WWC1: variants seen among roughly 807,000 people sequenced by gnomAD.
The protein encoded by WWC1 is protein KIBRA.
Under a neutral mutation model 138.4 loss-of-function variants are expected in WWC1, and 55 were observed. The observed-to-expected ratio is 0.40, with a 90% CI of 0.32 to 0.50. The LOEUF (loss-of-function observed/expected upper bound fraction) is 0.50, where lower values mean the gene tolerates loss of function less well. Ranked by LOEUF, WWC1 falls within the 20% of genes least tolerant of loss-of-function variation. WWC1 has a pLI of 0.72. For missense variants in WWC1, 1,226 were observed against 1,420.4 expected (o/e 0.86, Z 2.20); for synonymous variants, 524 against 564.9 (o/e 0.93, Z 1.03).
intron 1 of WWC1, among the ~76,000 whole-genome samples, chr5:168,342,575 T>C (rs1192770804): frequency 1.3e-5 from 2 of 152,076 alleles, no homozygotes; most frequent in African/African-American, 4.8e-5. Flanking sequence ...CTTTGTAGGA[T>C]CTAGAAAGGC....
chr5:168,401,573 C>T (rs886490246), intron 5 of WWC1, among the ~76,000 whole-genome samples: 1 of 152,208 alleles, frequency 6.6e-6, no homozygotes, highest in South Asian at 2.1e-4. Flanking sequence ...CCACAAGTCC[C>T]CACCGCCTGG....
chr5:168,465,212 T>G (rs1757157583), intron 21 of WWC1, among the ~76,000 whole-genome samples: 1 of 152,252 alleles, frequency 6.6e-6, no homozygotes, highest in South Asian at 2.1e-4. Flanking sequence ...TGTGATTTTG[T>G]GTGCAAGCCC....
intron 1 of WWC1, among the ~76,000 whole-genome samples, chr5:168,332,948 A>G (rs1175962833): frequency 3.3e-5 from 5 of 152,140 alleles, no homozygotes; most frequent in Non-Finnish European, 7.4e-5. Flanking sequence ...GGCTCAAGCA[A>G]TCTACCCTCC....
chr5:168,419,666 G>C (rs922421871), intron 9 of WWC1, among the ~76,000 whole-genome samples: 1 of 152,218 alleles, frequency 6.6e-6, no homozygotes, highest in Admixed American at 6.5e-5. Flanking sequence ...GCCACAGGCG[G>C]AGAAAGACTA....
chr5:168,315,851 A>G (rs28379263), intron 1 of WWC1, among the ~76,000 whole-genome samples: 1 of 152,192 alleles, frequency 6.6e-6, no homozygotes, highest in East Asian at 1.9e-4. Context: ...CGAGCATCAG[A>G]CCCAAGAAGA....
In WWC1 at chr5:168,431,868, G is replaced by A. The variant is rs554399306; in HGVS notation, c.2280+424G>A. On this transcript the variant is annotated intron_variant, in intron 15 of 22. Coordinates refer to ENST00000265293, the MANE Select transcript of WWC1 (RefSeq NM_015238.3). ...GAGGATCACTCAAGTGCAGGAGTTC[G>A]AAAGCAGCCTGGGCAACACAGCAAG... 4.9e-4 allele frequency among the ~76,000 whole-genome samples: 75 copies of A among 152,046 alleles called. 1 individual carries two copies. The highest frequency in any genetic ancestry group is 1.7e-3 in the African/African-American group (70 of 41,486).
At chr5:168,405,318 G>A (rs1779696568) in intron 5 of WWC1, among the ~76,000 whole-genome samples, 1 of 152,130 alleles carries the variant, frequency 6.6e-6, no homozygotes, top group Admixed American at 6.5e-5. Context: ...ATTTTCAGTT[G>A]TCACCATTCA....
chr5:168,412,250 C>G, intron 8 of WWC1: 7 of 950,320 alleles, frequency 7.4e-6, no homozygotes, highest in Non-Finnish European at 8.8e-6. Context: ...CCCCTCCACC[C>G]GAAGCTCATT....
intron 11 of WWC1, among the ~76,000 whole-genome samples, chr5:168,424,801 G>C (rs1298692656): frequency 6.6e-6 from 1 of 152,138 alleles, no homozygotes; most frequent in African/African-American, 2.4e-5. Flanking sequence ...AATTGCACTG[G>C]GGACCCATGT....
intron 16 of WWC1, 60 bp downstream of exon 16, chr5:168,441,894 A>G (rs1413979797): frequency 6.4e-7 from 1 of 1,569,168 alleles, no homozygotes; most frequent in Non-Finnish European, 8.6e-7. Context: ...TTGGAAGGGA[A>G]AGCCTCTCCC....
intron 17 of WWC1, among the ~76,000 whole-genome samples, chr5:168,449,176 A>G (rs1755567106): frequency 6.6e-6 from 1 of 152,020 alleles, no homozygotes. Context: ...TTGCCACTCC[A>G]GTAGGTGAAA....
chr5:168,393,865 T>C (rs1582140336), intron 3 of WWC1, among the ~76,000 whole-genome samples: 1 of 152,156 alleles, frequency 6.6e-6, no homozygotes, highest in African/African-American at 2.4e-5. Context: ...ACCAGCAGAA[T>C]GTGAGGTTGA....
At chr5:168,355,734 G>T (rs1582017402) in intron 1 of WWC1, among the ~76,000 whole-genome samples, 1 of 152,238 alleles carries the variant, frequency 6.6e-6, no homozygotes, top group East Asian at 1.9e-4. Flanking sequence ...ACTTTGAAGG[G>T]GTTGGAGCAA....
At chr5:168,407,091 C>T (rs1175684226) in intron 6 of WWC1, among the ~76,000 whole-genome samples, 1 of 152,056 alleles carries the variant, frequency 6.6e-6, no homozygotes, top group Non-Finnish European at 1.5e-5. Context: ...CGCACCTGGC[C>T]CCTGCCTTAT....
intron 15 of WWC1, 73 bp downstream of exon 15, chr5:168,431,517 T>G (rs1459568978): frequency 7.1e-5 from 107 of 1,509,130 alleles, no homozygotes; most frequent in Non-Finnish European, 9.0e-5. Flanking sequence ...CGGCCTTCTG[T>G]GTTTATGGGG....
chr5:168,472,141 G>T lies in WWC1; in HGVS notation c.*3124G>T, dbSNP rs746712231. On this transcript the variant is annotated 3_prime_UTR_variant, in exon 23 of 23. Coordinates refer to ENST00000265293, the MANE Select transcript of WWC1 (RefSeq NM_015238.3). Reference sequence around the variant, plus strand: ...ATCTCAGCATCACTTCAGCTGTCGGGGCATTTGTGGGGAGAACCAGACCAC... The same window carrying T: ...ATCTCAGCATCACTTCAGCTGTCGGTGCATTTGTGGGGAGAACCAGACCAC... The T allele has an allele frequency of 6.6e-6, 1 of 152,234 alleles. No homozygotes were observed. The highest frequency in any genetic ancestry group is 1.5e-5 in the Non-Finnish European group (1 of 68,084). The allele number at this position is 152,234 out of a possible 1,614,324, so 9.4% of individuals were successfully genotyped here.
chr5:168,394,091 A>C (rs1365693999), intron 3 of WWC1, among the ~76,000 whole-genome samples: 1 of 152,150 alleles, frequency 6.6e-6, no homozygotes, highest in Non-Finnish European at 1.5e-5. Flanking sequence ...GAGAGGTTCA[A>C]GTGCATGCTG....
intron 9 of WWC1, chr5:168,415,599 G>A (rs1206051138): frequency 6.6e-6 from 1 of 152,112 alleles, no homozygotes; most frequent in Admixed American, 6.6e-5. Flanking sequence ...TCATTCATTT[G>A]AGAAACCTTT....
At chr5:168,432,722 G>A (rs1308893807) in intron 15 of WWC1, among the ~76,000 whole-genome samples, 1 of 152,132 alleles carries the variant, frequency 6.6e-6, no homozygotes, top group African/African-American at 2.4e-5. Context: ...AACAGACAAG[G>A]TGCCAGCATT....
Sources: gnomAD v4.1 joint callset for allele counts (sites outside exome capture counted in the v4.1 genomes callset) on GRCh38, gnomAD v4.1.1 for gene constraint, MANE v1.5 for transcripts, NCBI Gene and HGNC (gene_info 2026-07-23, HGNC 2026-07-21) for gene names.